ZNF334: variants seen among roughly 807,000 people sequenced by gnomAD.
The protein encoded by ZNF334 is zinc finger protein 334.
A neutral mutation model predicts 12.4 loss-of-function variants in ZNF334; 14 were observed. The ratio of observed to expected loss-of-function variants is 1.13; its 90% CI spans 0.74 to 1.76. ZNF334 has a LOEUF of 1.76. Among genes scored for constraint, ZNF334 ranks in the 40% most tolerant of loss-of-function variants. The probability of loss-of-function intolerance (pLI) is 0.00; values close to 1 mark genes in which losing one functional copy is unlikely to be tolerated. For synonymous variants in ZNF334, 273 were observed against 269.6 expected, an observed-to-expected ratio of 1.01 and a Z score of -0.12; for missense variants, 797 against 804.5, an observed-to-expected ratio of 0.99 and a Z score of 0.11.
At chr20:46,468,249 G>C in the ZNF334 span, among the ~76,000 whole-genome samples, 5 of 152,032 alleles carry the variant, frequency 3.3e-5, 1 homozygote, top group South Asian at 2.1e-4. Context: ...AGCAGCTCAG[G>C]GACACTTCCG....
chr20:46,481,747 C>T, the ZNF334 span, among the ~76,000 whole-genome samples: 2 of 152,136 alleles, frequency 1.3e-5, no homozygotes, highest in Admixed American at 1.3e-4. Context: ...TCCAACACAT[C>T]AAACTATGCT....
the ZNF334 span, among the ~76,000 whole-genome samples, chr20:46,488,339 C>CT: frequency 1.4e-5 from 2 of 146,812 alleles, no homozygotes; most frequent in Non-Finnish European, 3.0e-5. Flanking sequence ...TGGTATCTGT[C>CT]TTTAACTTAT....
the ZNF334 span, chr20:46,464,119 T>C: frequency 1.7e-6 from 1 of 575,596 alleles, no homozygotes; most frequent in Non-Finnish European, 3.4e-6. Flanking sequence ...TCTGTTTGCC[T>C]GTCTCTGTGT....
At chr20:46,473,452 T>C in the ZNF334 span, among the ~76,000 whole-genome samples, 1 of 152,354 alleles carries the variant, frequency 6.6e-6, no homozygotes, top group African/African-American at 2.4e-5. Flanking sequence ...TTCTTTTCAG[T>C]TGTATGCATG....
At chr20:46,463,493 A>G in the ZNF334 span, among the ~76,000 whole-genome samples, 1 of 152,186 alleles carries the variant, frequency 6.6e-6, no homozygotes, top group Admixed American at 6.5e-5. Context: ...TTAGAAGCGC[A>G]TATCCCTTCA....
Position 46,501,855 on chromosome 20 carries a change from C to A in ZNF334, c.1484G>T (p.Gly495Val), listed in dbSNP as rs772446923. 5 of 1,613,780 alleles carry A rather than the reference C, an allele frequency of 3.1e-6. No homozygotes were observed. Among genetic ancestry groups the A allele is most frequent in the Non-Finnish European group, 4.2e-6 (5 of 1,179,952 alleles). ...GEKHGVFNKC[G>V]RISIVKSNCS... ...GTTTGACTTCACAATGGAGATTCTA[C>A]CACATTTATTAAACACACCATGTTT... The change falls in exon 5 of 5, where the codon GGT (glycine) becomes GTT (valine). Residue 495 changes from glycine (G) to valine (V), a missense_variant. Gly to Val is a moderately radical substitution (Grantham distance 109). Transcript: ENST00000692313.
Position 46,502,599 on chromosome 20 carries a change from G to A in ZNF334, c.740C>T (p.Ser247Phe), listed in dbSNP as rs1439082519. ...NECNECRKTF[S>F]KRSTLIVHQR... Reference sequence around the variant, plus strand: ...ATGTACAATGAGGGTAGATCTCTTAGAAAAGGTTTTCCTACATTCATTACA... The same window carrying A: ...ATGTACAATGAGGGTAGATCTCTTAAAAAAGGTTTTCCTACATTCATTACA... Residue 247 changes from serine (S) to phenylalanine (F), a missense_variant, in exon 5 of 5, where the codon TCT (serine) becomes TTT (phenylalanine). Transcript: ENST00000692313. The A allele has an allele frequency of 6.2e-7, 1 of 1,612,470 alleles. No homozygotes were observed. Among genetic ancestry groups the A allele is most frequent in the Non-Finnish European group, 8.5e-7 (1 of 1,179,700 alleles).
At chr20:46,491,026 C>T in the ZNF334 span, 241 of 152,674 alleles carry the variant, frequency 1.6e-3, 2 homozygotes, top group East Asian at 0.029. Flanking sequence ...GGGAAACCCA[C>T]GAATATGGTG....
chr20:46,474,425 A>G, the ZNF334 span: 2 of 152,118 alleles, frequency 1.3e-5, no homozygotes, highest in African/African-American at 4.8e-5. Flanking sequence ...ACACTGAACC[A>G]CACATTGCTA....
At chr20:46,507,998 A>G (rs2061497346) in intron 2 of ZNF334, among the ~76,000 whole-genome samples, 1 of 152,180 alleles carries the variant, frequency 6.6e-6, no homozygotes, top group Non-Finnish European at 1.5e-5. Flanking sequence ...GCCAGGGAAG[A>G]GCCCTCACTA....
chr20:46,469,697 C>A, the ZNF334 span, among the ~76,000 whole-genome samples: 1 of 152,116 alleles, frequency 6.6e-6, no homozygotes, highest in East Asian at 1.9e-4. Context: ...AGCAAATTTT[C>A]TGGCTCTTTG....
At chr20:46,503,986 T>G (rs1196934258) in intron 4 of ZNF334, among the ~76,000 whole-genome samples, 3 of 152,200 alleles carry the variant, frequency 2.0e-5, no homozygotes, top group Non-Finnish European at 4.4e-5. Flanking sequence ...ACTTGAATTT[T>G]GGGGATAGGT....
chr20:46,488,444 A>ATATATATATATATATATATATATATATAT, the ZNF334 span, among the ~76,000 whole-genome samples: 2 of 84,202 alleles, frequency 2.4e-5, no homozygotes, highest in African/African-American at 6.8e-5. Context: ...TATATATATA[A>ATATATATATATATATATATATATATATAT]ATACCATAAT....
the ZNF334 span, among the ~76,000 whole-genome samples, chr20:46,479,021 A>G: frequency 6.6e-6 from 1 of 152,154 alleles, no homozygotes; most frequent in Non-Finnish European, 1.5e-5. Flanking sequence ...GGCCCTCTGT[A>G]TCAGTTATTT....
At chr20:46,469,096 CA>C in the ZNF334 span, among the ~76,000 whole-genome samples, 12 of 152,196 alleles carry the variant, frequency 7.9e-5, no homozygotes, top group East Asian at 2.3e-3. Flanking sequence ...TTTTTATCAA[CA>C]AAAACATGTA....
chr20:46,512,221 A>C, intron 1 of ZNF334, 81 bp from the exon 2 acceptor site: 1 of 1,048,058 alleles, frequency 9.5e-7, no homozygotes, highest in Non-Finnish European at 1.5e-6. Flanking sequence ...AAAGCCACAC[A>C]CCCATTTAAA....
chr20:46,463,922 GATC>G, the ZNF334 span: 1 of 519,128 alleles, frequency 1.9e-6, no homozygotes. Context: ...AAATCTTCCA[GATC>G]ATCATGGAAC....
chr20:46,501,683 G>T lies in ZNF334; in HGVS notation c.1656C>A (p.Thr552=), dbSNP rs1372993924. The change falls in exon 5 of 5, where the codon ACC becomes ACA. Residue 552 remains threonine (T), a synonymous_variant. Coordinates refer to ENST00000692313, the MANE Select transcript of ZNF334 (RefSeq NM_001353824.2). Reference sequence around the variant, plus strand: ...GAGTCAGGGCTGACTTCCTGCAGTAGGTTCTCCCACATTCATTGCATTCAT... The same window carrying T: ...GAGTCAGGGCTGACTTCCTGCAGTATGTTCTCCCACATTCATTGCATTCAT... The part of the protein sequence containing the change: ...RPYECNECGR[T]YCRKSALTHH... 6.2e-7 allele frequency: 1 copy of T among 1,613,962 alleles called. No homozygotes were observed. The highest frequency in any genetic ancestry group is 8.5e-7 in the Non-Finnish European group (1 of 1,179,934).
chr20:46,479,130 T>G, the ZNF334 span, among the ~76,000 whole-genome samples: 579 of 152,302 alleles, frequency 3.8e-3, 4 homozygotes, highest in African/African-American at 0.013. Context: ...CTCATGGGGC[T>G]AAAATCAAGG....
Sources: allele counts gnomAD v4.1 joint callset (sites outside exome capture counted in the v4.1 genomes callset), GRCh38; gene constraint gnomAD v4.1.1; transcripts MANE v1.5; gene names NCBI Gene and HGNC (gene_info 2026-07-23, HGNC 2026-07-21).